A3GALT2: variants seen among roughly 807,000 people sequenced by gnomAD.
A3GALT2 encodes alpha-1,3-galactosyltransferase 2.
A neutral mutation model predicts 16.6 loss-of-function variants in A3GALT2; 14 were observed. The ratio of observed to expected loss-of-function variants is 0.84; its 90% CI spans 0.56 to 1.32. A3GALT2 has a LOEUF of 1.32. Among genes scored for constraint, A3GALT2 ranks in the 40% most tolerant of loss-of-function variants. The pLI is 0.00. For missense variants in A3GALT2, 600 were observed against 490.9 expected, an observed-to-expected ratio of 1.22 and a Z score of -2.10; for synonymous variants, 253 against 218.0, an observed-to-expected ratio of 1.16 and a Z score of -1.42.
chr1:33,311,011 C>T (rs1487380271), intron 4 of A3GALT2, among the ~76,000 whole-genome samples: 7 of 152,152 alleles, frequency 4.6e-5, no homozygotes, highest in South Asian at 2.1e-4. Flanking sequence ...GGACAGAGTT[C>T]GAGGAGCCTT....
intron 4 of A3GALT2, among the ~76,000 whole-genome samples, chr1:33,309,486 G>A (rs1570424837): frequency 6.6e-6 from 1 of 151,926 alleles, no homozygotes; most frequent in African/African-American, 2.4e-5. Context: ...CCGGGCGGGG[G>A]CTGCCCCCCA....
At chr1:33,308,955 G>C (rs1646218502) in intron 4 of A3GALT2, among the ~76,000 whole-genome samples, 1 of 151,286 alleles carries the variant, frequency 6.6e-6, no homozygotes, top group Non-Finnish European at 1.5e-5. Context: ...TTGAGATTAG[G>C]GAGCGGTGAT....
chr1:33,310,787 T>C (rs1255494544), intron 4 of A3GALT2, among the ~76,000 whole-genome samples: 1 of 152,186 alleles, frequency 6.6e-6, no homozygotes, highest in Admixed American at 6.5e-5. Context: ...TATCCCAGAA[T>C]TTTCTGTACA....
intron 1 of A3GALT2, among the ~76,000 whole-genome samples, chr1:33,318,367 C>T (rs945201121): frequency 2.6e-5 from 4 of 152,084 alleles, no homozygotes; most frequent in African/African-American, 9.7e-5. Flanking sequence ...CACTCTCCTC[C>T]GTCCCCCTAC....
rs996006122 is a variant in A3GALT2 at position 33,320,062 on chromosome 1, C to A, written c.23+1014G>T. On this transcript the variant is annotated intron_variant, in intron 1 of 4. Coordinates refer to ENST00000442999, the MANE Select transcript of A3GALT2 (RefSeq NM_001080438.1). The surrounding 1 kb of genome is among the most constrained non-coding windows in gnomAD (Gnocchi z 4.3). ...ACCTGGGCCTAGCTCAGCCCTGAGG[C>A]TCATCTCACAAGGTTCTCGGCCCTG... Among the ~76,000 whole-genome samples the A allele has an allele frequency of 2.0e-5, 3 of 151,948 alleles. No individual in the cohort carries two copies. The highest frequency in any genetic ancestry group is 7.2e-5 in the African/African-American group (3 of 41,434).
intron 1 of A3GALT2, among the ~76,000 whole-genome samples, chr1:33,315,733 T>G (rs1344972471): frequency 2.0e-5 from 3 of 152,226 alleles, no homozygotes; most frequent in Non-Finnish European, 4.4e-5. Flanking sequence ...GGGAATCTGT[T>G]CAAAGGAGAT....
intron 4 of A3GALT2, among the ~76,000 whole-genome samples, chr1:33,308,752 T>TTTTTTTTTTTTTTG (rs1646216756): frequency 1.4e-5 from 1 of 72,064 alleles, no homozygotes; most frequent in South Asian, 4.7e-4. Context: ...TCAAAGTTGT[T>TTTTTTTTTTTTTTG]TTTTTTTTTT....
intron 1 of A3GALT2, among the ~76,000 whole-genome samples, chr1:33,315,380 CAAAAA>C (rs60385074): frequency 1.8e-5 from 2 of 108,698 alleles, no homozygotes; most frequent in Non-Finnish European, 1.9e-5. Context: ...GACTCTGTCT[CAAAAA>C]AAAAAAAAAA....
chr1:33,316,777 C>T (rs1460504023), intron 1 of A3GALT2, among the ~76,000 whole-genome samples: 1 of 152,050 alleles, frequency 6.6e-6, no homozygotes, highest in Non-Finnish European at 1.5e-5. Context: ...CAGGCAGGCT[C>T]AGGAGAAAGT....
At chr1:33,309,830 G>A (rs1447357888) in intron 4 of A3GALT2, among the ~76,000 whole-genome samples, 8 of 151,880 alleles carry the variant, frequency 5.3e-5, no homozygotes, top group South Asian at 2.1e-4. Context: ...CTGGGCGGCC[G>A]GGCAGAGGGG....
chr1:33,309,476 C>T (rs908666659), intron 4 of A3GALT2, among the ~76,000 whole-genome samples: 24 of 151,966 alleles, frequency 1.6e-4, no homozygotes, highest in Admixed American at 1.2e-3. Flanking sequence ...GGGCGGCTGG[C>T]CGGGCGGGGG....
intron 4 of A3GALT2, among the ~76,000 whole-genome samples, chr1:33,308,341 C>A (rs569624000): frequency 2.0e-5 from 3 of 151,908 alleles, no homozygotes; most frequent in Non-Finnish European, 4.4e-5. Flanking sequence ...CCAGCTGAGA[C>A]GCAGACATTT....
chr1:33,307,374 C>G lies in A3GALT2; in HGVS notation c.415G>C (p.Val139Leu), dbSNP rs767554510. ...FMAGQSVMYYVFTELPGAVPR... is the reference protein window; with the variant it reads ...FMAGQSVMYYLFTELPGAVPR... The stretch of plus-strand genomic sequence containing the variant: ...ACCGCTCCCGGAAGCTCGGTGAACA[C>G]GTAGTACATCACGCTCTGGCCCGCC... Residue 139 changes from valine (V) to leucine (L), a missense_variant, in exon 5 of 5, where the codon GTG becomes CTG. By Grantham distance (32) the Val-to-Leu change is conservative. Coordinates refer to ENST00000442999, the MANE Select transcript of A3GALT2 (RefSeq NM_001080438.1). The G allele has an allele frequency of 6.4e-7, 1 of 1,562,702 alleles. No homozygotes were observed. The highest frequency in any genetic ancestry group is 8.6e-7 in the Non-Finnish European group (1 of 1,161,246).
chr1:33,308,750 G>GTTTTGTTTTTTTTTTT (rs1646216319), intron 4 of A3GALT2, among the ~76,000 whole-genome samples: 1 of 46,130 alleles, frequency 2.2e-5, no homozygotes, highest in African/African-American at 1.2e-4. Flanking sequence ...TGTCAAAGTT[G>GTTTTGTTTTTTTTTTT]TTTTTTTTTT....
intron 4 of A3GALT2, among the ~76,000 whole-genome samples, chr1:33,309,904 C>T (rs1227264772): frequency 6.6e-6 from 1 of 152,214 alleles, no homozygotes; most frequent in Non-Finnish European, 1.5e-5. Context: ...GATGGGGAGG[C>T]GGCCGGGCAG....
intron 1 of A3GALT2, among the ~76,000 whole-genome samples, chr1:33,317,643 CCTT>C (rs1557810151): frequency 6.6e-6 from 1 of 152,160 alleles, no homozygotes; most frequent in Non-Finnish European, 1.5e-5. Context: ...GTTCCCATAG[CCTT>C]CTCTGAAAAA....
Position 33,321,071 on chromosome 1 carries a change from C to G in A3GALT2, c.23+5G>C. Reference sequence around the variant, plus strand: ...CTTCCTCTCCATACCATTGTCCCCCCTCACCTGAGTCCCTCCTTGAGAGCC... The same window carrying G: ...CTTCCTCTCCATACCATTGTCCCCCGTCACCTGAGTCCCTCCTTGAGAGCC... On this transcript the variant is annotated splice_donor_5th_base_variant and intron_variant, in intron 1 of 4. Transcript: ENST00000442999. The G allele has an allele frequency of 1.2e-6, 2 of 1,613,182 alleles. No individual in the cohort carries two copies. The highest frequency in any genetic ancestry group is 2.2e-5 in the East Asian group (1 of 44,876).
At chr1:33,316,304 C>T (rs867681910) in intron 1 of A3GALT2, among the ~76,000 whole-genome samples, 2 of 151,924 alleles carry the variant, frequency 1.3e-5, no homozygotes, top group African/African-American at 4.8e-5. Flanking sequence ...AGAGGTGAGC[C>T]GGGGCCAGGT....
rs762885200 is a variant in A3GALT2, at chr1:33,307,312, G to T, written c.477C>A (p.Pro159=). 4.0e-6 allele frequency: 6 copies of T among 1,496,110 alleles called. No individual in the cohort carries two copies. The highest frequency in any genetic ancestry group is 1.3e-5 in the South Asian group (1 of 77,818). 92.7% of individuals were successfully genotyped at this position (1,496,110 alleles called of 1,614,324 possible). ...GCCGCTCGCGCGCCACGCGCTCCAC[G>T]GGCAGCCGGCGTCCCGGGCCCAGCG... ...RVALGPGRRL[P]VERVARERRW... is the part of the protein sequence containing the mutation. The change falls in exon 5 of 5, where the codon CCC becomes CCA. Residue 159 remains proline (P), a synonymous_variant. Coordinates refer to ENST00000442999, the MANE Select transcript of A3GALT2 (RefSeq NM_001080438.1).
Sources: allele counts gnomAD v4.1 joint callset (sites outside exome capture counted in the v4.1 genomes callset), GRCh38; gene constraint gnomAD v4.1.1; non-coding constraint Gnocchi (gnomAD v3.1); transcripts MANE v1.5; gene names NCBI Gene and HGNC (gene_info 2026-07-23, HGNC 2026-07-21).